The following ZNF444 variants were observed in gnomAD, a reference collection of about 807,000 sequenced individuals.
The protein encoded by ZNF444 is endothelial zinc finger protein 2.
Under a neutral mutation model 14.4 loss-of-function variants are expected in ZNF444, and 8 were observed. The observed-to-expected ratio is 0.56, with a 90% CI of 0.33 to 1.00. The LOEUF is 1.00. ZNF444 is among the 50% of genes least tolerant of loss of function. ZNF444 has a pLI of 0.03. For synonymous variants in ZNF444, 258 were observed against 235.9 expected, an observed-to-expected ratio of 1.09 and a Z score of -0.86; for missense variants, 510 against 504.8, an observed-to-expected ratio of 1.01 and a Z score of -0.10.
At chr19:56,153,132 G>A (rs944242921) in intron 3 of ZNF444, among the ~76,000 whole-genome samples, 4 of 152,110 alleles carry the variant, frequency 2.6e-5, no homozygotes, top group African/African-American at 9.7e-5. Flanking sequence ...TCCAGGAGGG[G>A]GCAGGCTCTT....
chr19:56,159,838 C>A lies in ZNF444; in HGVS notation c.621C>A (p.His207Gln). The A allele has an allele frequency of 6.4e-7, 1 of 1,564,484 alleles. No homozygotes were observed. The highest frequency in any genetic ancestry group is 1.2e-5 in the South Asian group (1 of 86,056). Residue 207 changes from histidine to glutamine, a missense_variant, in exon 5 of 5, where the codon CAC becomes CAA. By Grantham distance (24) the His-to-Gln change is conservative. Transcript: ENST00000337080. The stretch of plus-strand genomic sequence containing the variant: ...AGAGCCACTCGGGCGAGAAGCCGCA[C>A]GCCTGCCCTGAGTGCGGGAAGGCCT... ...HRQSHSGEKP[H>Q]ACPECGKAFR...
intron 3 of ZNF444, among the ~76,000 whole-genome samples, chr19:56,152,808 C>G (rs961984134): frequency 6.6e-6 from 1 of 151,608 alleles, no homozygotes; most frequent in Non-Finnish European, 1.5e-5. Context: ...TCTGGGGTCT[C>G]TTGTAGAAGG....
rs183977255 is a variant in ZNF444 at position 56,150,400 on chromosome 19, G to A, written c.297+3192G>A. The A allele has an allele frequency of 2.4e-4, 83 of 339,420 alleles. No homozygotes were observed. The East Asian group carries it at 4.3e-3, about 18-fold the overall frequency. The allele number at this position is 339,420 out of a possible 1,614,324, so 21.0% of individuals were successfully genotyped here. On this transcript the variant is annotated intron_variant, in intron 3 of 4. Transcript: ENST00000337080. ...CTCCAGGCCGTCGGGACTCTCCTGC[G>A]TTCTCTGCTTGCTCCGAGGCGAACC...
chr19:56,148,862 A>C (rs146709776), intron 3 of ZNF444, among the ~76,000 whole-genome samples: 22 of 152,232 alleles, frequency 1.4e-4, no homozygotes, highest in African/African-American at 4.8e-4. Context: ...GTCCCTTCTC[A>C]AGTCTCCAAA....
At position 56,160,341 on chromosome 19, in the gene ZNF444, TC is replaced by T; in HGVS notation, c.*143del. 1 of 631,766 alleles carries T rather than the reference TC, an allele frequency of 1.6e-6. No homozygotes were observed. The highest frequency in any genetic ancestry group is 2.4e-5 in the South Asian group (1 of 41,216). 39.1% of individuals were successfully genotyped at this position (631,766 alleles called of 1,614,324 possible). On this transcript the variant is annotated 3_prime_UTR_variant, in exon 5 of 5. Transcript: ENST00000337080. Reference sequence around the variant, plus strand: ...CACCTGCGCCTCCCTTGTCTGAACTTCCCAACGCCTTCCTATTCCTTTCCAA... The same window carrying T: ...CACCTGCGCCTCCCTTGTCTGAACTTCCAACGCCTTCCTATTCCTTTCCAA...
In ZNF444 at chr19:56,141,373, A is replaced by C; in HGVS notation, c.-197+16A>C. 3.0e-4 allele frequency: 1 copy of C among 3,380 alleles called. No individual in the cohort carries two copies. Among genetic ancestry groups the C allele is most frequent in the Non-Finnish European group, 5.1e-4 (1 of 1,974 alleles). The allele number at this position is 3,380 out of a possible 1,614,324, so 0.2% of individuals were successfully genotyped here. ...AGAGAGTGAGGTGAGCGAGGGGGGA[A>C]GGAGGGAGGGATTGGGTGGGGGCGG... On this transcript the variant is annotated intron_variant, in intron 1 of 4. Transcript: ENST00000337080.
chr19:56,151,698 T>C (rs781738431), intron 3 of ZNF444: 1 of 445,544 alleles, frequency 2.2e-6, no homozygotes, highest in Admixed American at 2.4e-5. Context: ...GCATTGGGGT[T>C]TCTTGGCATC....
chr19:56,147,010 C>T lies in ZNF444; in HGVS notation c.99C>T (p.Gly33=), dbSNP rs375032586. Residue 33 remains glycine (G), a synonymous_variant, in exon 3 of 5, where the codon GGC becomes GGT. Transcript: ENST00000337080. The surrounding 1 kb of genome is among the most constrained non-coding windows in gnomAD (Gnocchi z 5.9). ...FRRFHLGDAP[G]PREALGLLRA... ...GCTTCCACCTGGGCGACGCGCCGGG[C>T]CCGCGGGAGGCGCTGGGGCTGCTCC... The T allele has an allele frequency of 3.2e-3, 4,705 of 1,460,056 alleles. 18 individuals are homozygous for T. The highest frequency in any genetic ancestry group is 4.1e-3 in the Non-Finnish European group (4,532 of 1,114,736). The allele number at this position is 1,460,056 out of a possible 1,614,324, so 90.4% of individuals were successfully genotyped here.
Position 56,145,581 on chromosome 19 carries a change from A to G in ZNF444, c.-196-666A>G, listed in dbSNP as rs1014714731. Among the ~76,000 whole-genome samples, 4 of 150,892 alleles carry G rather than the reference A, an allele frequency of 2.7e-5. No individual in the cohort carries two copies. Among genetic ancestry groups the G allele is most frequent in the South Asian group, 2.1e-4 (1 of 4,816 alleles). Reference sequence around the variant, plus strand: ...ATCCTGGGCAACAGAGCGAGACTCCATCTCAAAACAAAAATTAAAAAAAAA... The same window carrying G: ...ATCCTGGGCAACAGAGCGAGACTCCGTCTCAAAACAAAAATTAAAAAAAAA... On this transcript the variant is annotated intron_variant, in intron 1 of 4. Transcript: ENST00000337080. This position sits in a 1 kb window ranked among gnomAD's most constrained non-coding sequence, Gnocchi z 4.3.
Position 56,146,487 on chromosome 19 carries a change from G to T in ZNF444, c.-23+67G>T, listed in dbSNP as rs139858942. ...CGGGCCTATCCTGGGTATGTGGGCG[G>T]CTCAGAAGCGCGGGTCCCAGGCCGG... On this transcript the variant is annotated intron_variant, in intron 2 of 4. Coordinates refer to ENST00000337080, the MANE Select transcript of ZNF444 (RefSeq NM_018337.4). 814 of 158,780 alleles carry T rather than the reference G, an allele frequency of 5.1e-3. 10 individuals are homozygous for T. The highest frequency in any genetic ancestry group is 0.018 in the African/African-American group (768 of 41,796). 9.8% of individuals were successfully genotyped at this position (158,780 alleles called of 1,614,324 possible).
At position 56,146,384 on chromosome 19, in the gene ZNF444, A is replaced by C. The variant is rs548151722; in HGVS notation, c.-59A>C. ...CCACCCGAGTGAGCGCTGCCCCCTC[A>C]CAGAGACCTCTTTGCCCCCTGGGCC... is the stretch of plus-strand genomic sequence containing the variant. On this transcript the variant is annotated 5_prime_UTR_variant, in exon 2 of 5. Transcript: ENST00000337080. The C allele has an allele frequency of 6.5e-6, 1 of 152,672 alleles. No individual in the cohort carries two copies. Among genetic ancestry groups the C allele is most frequent in the Non-Finnish European group, 1.5e-5 (1 of 68,432 alleles). 9.5% of individuals were successfully genotyped at this position (152,672 alleles called of 1,614,324 possible). A position where few individuals can be genotyped will look rare whatever the true frequency, so the allele number is the denominator to read the frequency against.
chr19:56,141,998 C>A lies in ZNF444; in HGVS notation c.-197+641C>A, dbSNP rs573239887. Among the ~76,000 whole-genome samples, 9 of 152,142 alleles carry A rather than the reference C, an allele frequency of 5.9e-5. No individual in the cohort carries two copies. In the South Asian group the frequency reaches 1.7e-3, roughly 28 times the overall value. ...GCTTGTTGCAAGGCATTATTACCTT[C>A]GGTAATATGTGTAAAGTGCTTAGAA... On this transcript the variant is annotated intron_variant, in intron 1 of 4. Coordinates refer to ENST00000337080, the MANE Select transcript of ZNF444 (RefSeq NM_018337.4).
upstream of ZNF444, among the ~76,000 whole-genome samples, chr19:56,139,908 G>A (rs1466499049): frequency 6.6e-6 from 1 of 152,100 alleles, no homozygotes; most frequent in Non-Finnish European, 1.5e-5. Context: ...AAATCCAAGA[G>A]GAGATGTCAA....
chr19:56,146,971 G>T lies in ZNF444; in HGVS notation c.60G>T (p.Trp20Cys), dbSNP rs755571026. Residue 20 changes from tryptophan (W) to cysteine (C), a missense_variant, in exon 3 of 5, where the codon TGG becomes TGT. Physicochemically the swap from Trp to Cys is radical, Grantham distance 215 (BLOSUM62 -2). Coordinates refer to ENST00000337080, the MANE Select transcript of ZNF444 (RefSeq NM_018337.4). ...EAEGLALDSP[W>C]HRFRRFHLGD... ...AGGGCCTGGCGCTGGACTCCCCGTG[G>T]CACCGCTTCCGCCGCTTCCACCTGG... 3.5e-5 allele frequency: 51 copies of T among 1,442,976 alleles called. No homozygotes were observed. Among genetic ancestry groups the T allele is most frequent in the Non-Finnish European group, 4.3e-5 (48 of 1,107,348 alleles). 89.4% of individuals were successfully genotyped at this position (1,442,976 alleles called of 1,614,324 possible).
At chr19:56,158,871 T>TCACCCATC (rs1419289046) in intron 4 of ZNF444, among the ~76,000 whole-genome samples, 1 of 150,914 alleles carries the variant, frequency 6.6e-6, no homozygotes, top group Non-Finnish European at 1.5e-5. Context: ...ACCCACCCAT[T>TCACCCATC]CACCCATCCA....
rs760544971 is a variant in ZNF444 at position 56,160,710 on chromosome 19, G to C, written c.*509G>C. The C allele has an allele frequency of 1.3e-5, 2 of 150,136 alleles. No homozygotes were observed. The highest frequency in any genetic ancestry group is 2.9e-5 in the Non-Finnish European group (2 of 70,004). 9.3% of individuals were successfully genotyped at this position (150,136 alleles called of 1,614,324 possible). ...TCCTCCCTCAGGAGATTGGGGGTTG[G>C]GGGAGGCAGCGGGTGATGGCTCTGA... is the stretch of plus-strand genomic sequence containing the variant. On this transcript the variant is annotated 3_prime_UTR_variant, in exon 5 of 5. Coordinates refer to ENST00000337080, the MANE Select transcript of ZNF444 (RefSeq NM_018337.4).
chr19:56,139,673 C>T (rs529457327), upstream of ZNF444, among the ~76,000 whole-genome samples: 1 of 146,562 alleles, frequency 6.8e-6, no homozygotes, highest in African/African-American at 2.5e-5. Flanking sequence ...GCAACACAGC[C>T]AGACCCTGTA....
At chr19:56,133,304 C>T (rs898806506) in intron 1 of ZNF444, among the ~76,000 whole-genome samples, 27 of 151,706 alleles carry the variant, frequency 1.8e-4, no homozygotes, top group Admixed American at 1.4e-3. Context: ...AACTCCTGAC[C>T]TCAGGTGATC....
At chr19:56,134,751 C>T (rs751400314) in intron 1 of ZNF444, among the ~76,000 whole-genome samples, 4 of 151,674 alleles carry the variant, frequency 2.6e-5, no homozygotes, top group Admixed American at 6.6e-5. Flanking sequence ...TTGCACAGAT[C>T]GTCAAGGTGA....
Sources: allele counts gnomAD v4.1 joint callset (sites outside exome capture counted in the v4.1 genomes callset), GRCh38; gene constraint gnomAD v4.1.1; non-coding constraint Gnocchi (gnomAD v3.1); transcripts MANE v1.5; gene names NCBI Gene and HGNC (gene_info 2026-07-23, HGNC 2026-07-21).